ANKRD10: variants seen among roughly 807,000 people sequenced by gnomAD.
The protein encoded by ANKRD10 is ankyrin repeat domain-containing protein 10.
Under a neutral mutation model 27.0 loss-of-function variants are expected in ANKRD10, and 14 were observed. That is an observed-to-expected ratio of 0.52 (90% CI 0.34 to 0.81). ANKRD10 has a LOEUF of 0.81. Among genes scored for constraint, ANKRD10 ranks in the 40% least tolerant of loss-of-function variants. The probability of loss-of-function intolerance (pLI) is 0.01; values close to 1 mark genes in which losing one functional copy is unlikely to be tolerated. For missense variants in ANKRD10, 493 were observed against 544.0 expected, an observed-to-expected ratio of 0.91 and a Z score of 0.93; for synonymous variants, 250 against 224.5, an observed-to-expected ratio of 1.11 and a Z score of -1.01.
At chr13:110,907,513 TAAAAAA>T (rs377645402) in intron 2 of ANKRD10, among the ~76,000 whole-genome samples, 1 of 151,726 alleles carries the variant, frequency 6.6e-6, no homozygotes, top group Non-Finnish European at 1.5e-5. Flanking sequence ...CACCCAAAGT[TAAAAAA>T]AACAGTGGTA....
At chr13:110,887,205 T>C (rs1398711222) in intron 4 of ANKRD10, among the ~76,000 whole-genome samples, 1 of 152,204 alleles carries the variant, frequency 6.6e-6, no homozygotes, top group Non-Finnish European at 1.5e-5. Flanking sequence ...TGTATTTTCA[T>C]CTGAAATTTG....
At chr13:110,886,809 T>C (rs118180351) in intron 4 of ANKRD10, among the ~76,000 whole-genome samples, 2 of 152,362 alleles carry the variant, frequency 1.3e-5, no homozygotes, top group East Asian at 3.9e-4. Context: ...AAGGAAGCAC[T>C]ATACTTTCCT....
chr13:110,883,905 T>TTA (rs2064865896), intron 4 of ANKRD10, 112 bp from the exon 5 acceptor site: 1 of 1,000,644 alleles, frequency 1.0e-6, no homozygotes, highest in Admixed American at 3.3e-5. Flanking sequence ...AACAATCACA[T>TTA]AAAAAAAAAT....
rs952577192 is a variant in ANKRD10, at chr13:110,879,355, T to C, written c.*282A>G. ...CAAAAAGAAAAATGGCAATATCTGG[T>C]GACAGTATTAAAAAGACAATGTTGA... On this transcript the variant is annotated 3_prime_UTR_variant, in exon 6 of 6. Coordinates refer to ENST00000267339, the MANE Select transcript of ANKRD10 (RefSeq NM_017664.4). 7 of 371,384 alleles carry C rather than the reference T, an allele frequency of 1.9e-5. No homozygotes were observed. Among genetic ancestry groups the C allele is most frequent in the Non-Finnish European group, 3.4e-5 (7 of 203,714 alleles). 23.0% of individuals were successfully genotyped at this position (371,384 alleles called of 1,614,324 possible).
At chr13:110,880,150 C>A (rs550522941) in intron 5 of ANKRD10, 38 bp from the exon 6 acceptor site, 1 of 1,539,858 alleles carries the variant, frequency 6.5e-7, no homozygotes, top group South Asian at 1.2e-5. Flanking sequence ...AAATTCAGAA[C>A]CAATGAGGGA....
intron 3 of ANKRD10, chr13:110,894,261 T>C: frequency 8.4e-7 from 1 of 1,184,928 alleles, no homozygotes. Context: ...GAGAAGTACT[T>C]AACAGCAAAG....
chr13:110,883,387 A>G, intron 5 of ANKRD10: 2 of 476,730 alleles, frequency 4.2e-6, no homozygotes, highest in Non-Finnish European at 5.9e-6. Flanking sequence ...ATCAGAATAA[A>G]GATTGCACTT....
chr13:110,905,409 G>C (rs1435677397), intron 3 of ANKRD10, among the ~76,000 whole-genome samples: 1 of 152,184 alleles, frequency 6.6e-6, no homozygotes, highest in Non-Finnish European at 1.5e-5. Flanking sequence ...TAAGCTAACT[G>C]ATGTAAGCTG....
At chr13:110,909,871 T>A (rs925915020) in intron 2 of ANKRD10, among the ~76,000 whole-genome samples, 1 of 152,164 alleles carries the variant, frequency 6.6e-6, no homozygotes, top group Non-Finnish European at 1.5e-5. Flanking sequence ...AAAAAAGGCA[T>A]AAAAACCAGC....
chr13:110,905,177 T>TA (rs2065495157), intron 3 of ANKRD10: 1 of 152,250 alleles, frequency 6.6e-6, no homozygotes, highest in South Asian at 2.1e-4. Flanking sequence ...TATAGCTCTA[T>TA]AGCTTACACT....
In ANKRD10 at chr13:110,879,981, T is replaced by C. The variant is rs1173693497; in HGVS notation, c.919A>G (p.Asn307Asp). 6.2e-7 allele frequency: 1 copy of C among 1,614,206 alleles called. No individual in the cohort carries two copies. Among genetic ancestry groups the C allele is most frequent in the Non-Finnish European group, 8.5e-7 (1 of 1,180,040 alleles). Residue 307 changes from asparagine to aspartate, a missense_variant, in exon 6 of 6, where the codon AAC becomes GAC. Asn to Asp is a conservative substitution (Grantham distance 23, BLOSUM62 1). Transcript: ENST00000267339. ...SRNGQCLTGT[N>D]GISSGLAPGQ... ...GGGGCTAATCCACTGCTAATTCCGT[T>C]AGTTCCTGTCAAGCACTGGCCATTC...
In ANKRD10 at chr13:110,878,775, A is replaced by G. The variant is rs1487049819; in HGVS notation, c.*862T>C. 3 of 152,670 alleles carry G rather than the reference A, an allele frequency of 2.0e-5. No homozygotes were observed. The highest frequency in any genetic ancestry group is 6.5e-5 in the Admixed American group (1 of 15,284). The allele number at this position is 152,670 out of a possible 1,614,324, so 9.5% of individuals were successfully genotyped here. A position where few individuals can be genotyped will look rare whatever the true frequency, so the allele number is the denominator to read the frequency against. ...AATGCAGTTTTATTAAGAGAGTCAA[A>G]ATTCTCTCAGTTAACTGGATATACA... On this transcript the variant is annotated 3_prime_UTR_variant, in exon 6 of 6. Transcript: ENST00000267339.
At chr13:110,896,402 C>A (rs573976060) in intron 3 of ANKRD10, among the ~76,000 whole-genome samples, 217 of 152,318 alleles carry the variant, frequency 1.4e-3, no homozygotes, top group African/African-American at 5.1e-3. Context: ...CAGAGGAAAT[C>A]TGTTGGTACC....
At position 110,894,248 on chromosome 13, in the gene ANKRD10, C is replaced by G. The variant is rs780977701; in HGVS notation, c.456-985G>C. On this transcript the variant is annotated intron_variant, in intron 3 of 5. Transcript: ENST00000267339. ...TGTTAGCTGCAGGTTGATAAACAAA[C>G]GGGAGAAGTACTTAACAGCAAAGAC... The G allele has an allele frequency of 3.0e-6, 4 of 1,328,662 alleles. No individual in the cohort carries two copies. In the African/African-American group the frequency reaches 5.8e-5, roughly 19 times the overall value. The allele number at this position is 1,328,662 out of a possible 1,614,324, so 82.3% of individuals were successfully genotyped here.
intron 3 of ANKRD10, among the ~76,000 whole-genome samples, chr13:110,893,876 T>C (rs1319740156): frequency 2.6e-5 from 4 of 152,228 alleles, no homozygotes; most frequent in African/African-American, 9.6e-5. Context: ...GCAGGAGTAT[T>C]GTATTTTTGG....
intron 5 of ANKRD10, among the ~76,000 whole-genome samples, chr13:110,880,879 C>T (rs1363419938): frequency 2.0e-5 from 3 of 152,208 alleles, no homozygotes; most frequent in Non-Finnish European, 4.4e-5. Context: ...AACGCAGAGT[C>T]GCTTCTTCTC....
intron 3 of ANKRD10, chr13:110,894,188 C>T: frequency 5.6e-6 from 9 of 1,611,318 alleles, no homozygotes; most frequent in Non-Finnish European, 7.6e-6. Context: ...ATGTACACTG[C>T]TCTGTGAAAT....
chr13:110,889,706 GCTTTTT>G (rs756718773), intron 4 of ANKRD10, among the ~76,000 whole-genome samples: 8 of 152,254 alleles, frequency 5.3e-5, no homozygotes, highest in East Asian at 3.8e-4. Flanking sequence ...AAGTGTTTTG[GCTTTTT>G]CTTTTTCTTT....
At chr13:110,892,676 T>TAA (rs11446794) in intron 4 of ANKRD10, 68,642 of 709,034 alleles carry the variant, frequency 0.097, 14 homozygotes, top group Non-Finnish European at 0.11. Flanking sequence ...AGAAGCAAAT[T>TAA]AAAAAAAAAA....
Sources: allele counts gnomAD v4.1 joint callset (sites outside exome capture counted in the v4.1 genomes callset), GRCh38; gene constraint gnomAD v4.1.1; transcripts MANE v1.5; gene names NCBI Gene and HGNC (gene_info 2026-07-23, HGNC 2026-07-21).